The following MARCHF1 variants were observed in gnomAD, a reference collection of about 807,000 sequenced individuals.
MARCHF1 encodes the protein membrane associated ring-CH-type finger 1.
In MARCHF1, 40 loss-of-function variants were observed where a neutral mutation model predicts 54.2. That is an observed-to-expected ratio of 0.74 (90% CI 0.57 to 0.96). The LOEUF (loss-of-function observed/expected upper bound fraction) is 0.96. MARCHF1 is among the 40% of genes least tolerant of loss of function. The probability of loss-of-function intolerance (pLI) is 0.00; values close to 1 mark genes in which losing one functional copy is unlikely to be tolerated. For synonymous variants in MARCHF1, 236 were observed against 236.3 expected (o/e 1.00, Z 0.01); for missense variants, 586 against 656.5 (o/e 0.89, Z 1.17).
At chr4:164,008,118 C>T (rs991829656) in intron 2 of MARCHF1, among the ~76,000 whole-genome samples, 1 of 152,010 alleles carries the variant, frequency 6.6e-6, no homozygotes, top group Non-Finnish European at 1.5e-5. Context: ...TGCATATAGG[C>T]TGAAATTAAA....
chr4:163,926,879 G>A (rs906656415), intron 3 of MARCHF1, among the ~76,000 whole-genome samples: 5 of 151,246 alleles, frequency 3.3e-5, no homozygotes, highest in Admixed American at 2.6e-4. Flanking sequence ...TTAATTCAGA[G>A]AGTGCTAGCA....
chr4:163,552,994 C>G (rs1739161900), intron 8 of MARCHF1, among the ~76,000 whole-genome samples: 1 of 147,030 alleles, frequency 6.8e-6, no homozygotes, highest in African/African-American at 2.5e-5. Flanking sequence ...GATCGCGCCA[C>G]TGCCCTCCAG....
At chr4:163,869,113 C>T (rs1275067289) in intron 3 of MARCHF1, among the ~76,000 whole-genome samples, 1 of 151,322 alleles carries the variant, frequency 6.6e-6, no homozygotes, top group Non-Finnish European at 1.5e-5. Context: ...CCCCCAAAAA[C>T]CCCCCAAAAA....
At chr4:163,597,318 A>G (rs1740809017) in intron 7 of MARCHF1, among the ~76,000 whole-genome samples, 1 of 152,184 alleles carries the variant, frequency 6.6e-6, no homozygotes, top group South Asian at 2.1e-4. Flanking sequence ...CAAAATGAAA[A>G]TGCCATACAA....
At chr4:163,813,635 C>T (rs1371684741) in intron 4 of MARCHF1, among the ~76,000 whole-genome samples, 1 of 152,078 alleles carries the variant, frequency 6.6e-6, no homozygotes, top group Non-Finnish European at 1.5e-5. Context: ...TATACAAGAT[C>T]CTAAATATTA....
intron 2 of MARCHF1, among the ~76,000 whole-genome samples, chr4:163,998,336 T>C (rs1426322059): frequency 1.3e-5 from 2 of 151,554 alleles, no homozygotes; most frequent in Admixed American, 6.6e-5. Context: ...TTCAATACTC[T>C]AAAGCAGTAA....
Position 163,904,763 on chromosome 4 carries a change from A to AGAGACAGAGACAGAGACAGAGAC in MARCHF1, c.-38-50595_-38-50594insGTCTCTGTCTCTGTCTCTGTCTC, listed in dbSNP as rs374872263. Among the ~76,000 whole-genome samples the AGAGACAGAGACAGAGACAGAGAC allele has an allele frequency of 1.2e-3, 189 of 151,578 alleles. 1 individual carries two copies. Among genetic ancestry groups the AGAGACAGAGACAGAGACAGAGAC allele is most frequent in the Non-Finnish European group, 2.1e-3 (141 of 67,886 alleles). ...TTCAGTATGGTTTCCAGGAGAGAGA[A>AGAGACAGAGACAGAGACAGAGAC]AGAGACAGAGACAGAGACAGAGAGA... On this transcript the variant is annotated intron_variant, in intron 3 of 9. Transcript: ENST00000514618.
chr4:163,918,327 G>A (rs1213835828), intron 3 of MARCHF1, among the ~76,000 whole-genome samples: 1 of 152,064 alleles, frequency 6.6e-6, no homozygotes, highest in Non-Finnish European at 1.5e-5. Flanking sequence ...TTAGATGTAT[G>A]TTTTGTGAAT....
At chr4:164,037,838 C>G (rs1754042188) in intron 2 of MARCHF1, among the ~76,000 whole-genome samples, 1 of 152,158 alleles carries the variant, frequency 6.6e-6, no homozygotes, top group African/African-American at 2.4e-5. Flanking sequence ...AGCTTAATGA[C>G]TTTTCATACC....
intron 1 of MARCHF1, among the ~76,000 whole-genome samples, chr4:164,248,102 G>A (rs1291918234): frequency 6.6e-6 from 1 of 151,866 alleles, no homozygotes; most frequent in Non-Finnish European, 1.5e-5. Context: ...TCAGGACCTA[G>A]AGAAAATTAG....
chr4:164,346,591 T>G, intron 1 of MARCHF1, among the ~76,000 whole-genome samples: 1 of 45,412 alleles, frequency 2.2e-5, no homozygotes, highest in Admixed American at 3.0e-4. Flanking sequence ...TCCTCAAACC[T>G]GTATGTATGT....
chr4:163,673,709 C>T (rs766535278), intron 5 of MARCHF1, among the ~76,000 whole-genome samples: 6 of 151,968 alleles, frequency 3.9e-5, no homozygotes, highest in South Asian at 2.1e-4. Flanking sequence ...AAGTACTTGC[C>T]ATATACCACA....
At chr4:163,603,714 T>C (rs1741051455) in intron 7 of MARCHF1, among the ~76,000 whole-genome samples, 2 of 152,098 alleles carry the variant, frequency 1.3e-5, no homozygotes, top group Non-Finnish European at 2.9e-5. Context: ...TTAAAATCTG[T>C]AGACCTGCAC....
At chr4:163,883,299 C>T (rs1400248411) in intron 3 of MARCHF1, among the ~76,000 whole-genome samples, 1 of 147,788 alleles carries the variant, frequency 6.8e-6, no homozygotes, top group Admixed American at 6.8e-5. Flanking sequence ...ACATTTAACT[C>T]AATTATTGTT....
At chr4:163,723,066 T>A (rs181227118) in intron 4 of MARCHF1, among the ~76,000 whole-genome samples, 2 of 152,190 alleles carry the variant, frequency 1.3e-5, no homozygotes, top group Non-Finnish European at 2.9e-5. Flanking sequence ...ATCCTGTCAT[T>A]ATGATGTTAG....
intron 4 of MARCHF1, among the ~76,000 whole-genome samples, chr4:163,760,149 C>T (rs1210888637): frequency 6.6e-6 from 1 of 152,180 alleles, no homozygotes; most frequent in Non-Finnish European, 1.5e-5. Context: ...CACCCACATT[C>T]TTTGGCCTGT....
intron 5 of MARCHF1, among the ~76,000 whole-genome samples, chr4:163,648,772 A>C (rs1742857276): frequency 6.6e-6 from 1 of 151,960 alleles, no homozygotes; most frequent in East Asian, 1.9e-4. Context: ...AGTTCAAAGA[A>C]GAATGGATGT....
At chr4:163,569,962 T>C (rs992546835) in intron 8 of MARCHF1, among the ~76,000 whole-genome samples, 1 of 152,224 alleles carries the variant, frequency 6.6e-6, no homozygotes, top group African/African-American at 2.4e-5. Context: ...ACAAGGCTAC[T>C]TGTTTTTATT....
At position 163,563,158 on chromosome 4, in the gene MARCHF1, C is replaced by T. The variant is rs558179198; in HGVS notation, c.1192-17415G>A. Among the ~76,000 whole-genome samples, 7 of 152,324 alleles carry T rather than the reference C, an allele frequency of 4.6e-5. No homozygotes were observed. The East Asian group carries it at 1.4e-3, about 29-fold the overall frequency. On this transcript the variant is annotated intron_variant, in intron 8 of 9. Coordinates refer to ENST00000514618, the MANE Select transcript of MARCHF1 (RefSeq NM_001394959.1). ...AAGTTGAAATTCTTTAGCAAAGCAT[C>T]CTTTATAATCTGACACTTGCTTTCT...
Sources: allele counts gnomAD v4.1 joint callset (sites outside exome capture counted in the v4.1 genomes callset), GRCh38; gene constraint gnomAD v4.1.1; transcripts MANE v1.5; gene names NCBI Gene and HGNC (gene_info 2026-07-23, HGNC 2026-07-21).